NRXN3: variants seen among roughly 807,000 people sequenced by gnomAD.
NRXN3 encodes the protein neurexin III.
In NRXN3, 32 loss-of-function variants were observed where a neutral mutation model predicts 137.6. That is an observed-to-expected ratio of 0.23 (90% CI 0.18 to 0.31). NRXN3 has a LOEUF of 0.31. Among genes scored for constraint, NRXN3 ranks in the 10% least tolerant of loss-of-function variants. The pLI, the probability that NRXN3 is intolerant of heterozygous loss-of-function variation, is 1.00. For synonymous variants in NRXN3, 798 were observed against 784.5 expected (o/e 1.02, Z -0.29); for missense variants, 1,574 against 2,062.5 (o/e 0.76, Z 4.59).
intron 4 of NRXN3, among the ~76,000 whole-genome samples, chr14:78,637,831 A>G (rs1245877495): frequency 6.6e-6 from 1 of 152,224 alleles, no homozygotes; most frequent in Non-Finnish European, 1.5e-5. Context: ...AATGTCAGCT[A>G]ATGATTTATA....
intron 2 of NRXN3, among the ~76,000 whole-genome samples, chr14:78,274,057 T>C (rs2073202780): frequency 6.6e-6 from 1 of 152,142 alleles, no homozygotes; most frequent in African/African-American, 2.4e-5. Context: ...GTCAGGAGAA[T>C]CTTGGACTCA....
At chr14:78,407,121 G>T (rs2092536499) in intron 4 of NRXN3, among the ~76,000 whole-genome samples, 1 of 152,168 alleles carries the variant, frequency 6.6e-6, no homozygotes. Context: ...TTTGCTCAAA[G>T]GGCTTTTGTT....
At chr14:79,346,372 G>C (rs545689687) in intron 15 of NRXN3, among the ~76,000 whole-genome samples, 25 of 152,320 alleles carry the variant, frequency 1.6e-4, no homozygotes, top group Middle Eastern at 3.4e-3. Flanking sequence ...AGTGAGCAGA[G>C]ATCATGCTGT....
intron 2 of NRXN3, among the ~76,000 whole-genome samples, chr14:78,273,804 T>C (rs1409615365): frequency 6.6e-6 from 1 of 152,242 alleles, no homozygotes; most frequent in Non-Finnish European, 1.5e-5. Flanking sequence ...GCCAGCACAC[T>C]TCTTCAGCTA....
chr14:79,150,982 C>T (rs1360960227), intron 15 of NRXN3, among the ~76,000 whole-genome samples: 2 of 151,976 alleles, frequency 1.3e-5, no homozygotes, highest in African/African-American at 4.8e-5. Context: ...TTTCGAGGGT[C>T]TTCTTGTCTC....
intron 10 of NRXN3, among the ~76,000 whole-genome samples, chr14:78,937,847 C>T (rs1254947924): frequency 1.3e-5 from 2 of 152,214 alleles, no homozygotes; most frequent in African/African-American, 4.8e-5. Flanking sequence ...TCTCAAAAAC[C>T]TGACTGCTTA....
At chr14:79,584,942 C>A (rs1325336098) in intron 16 of NRXN3, among the ~76,000 whole-genome samples, 1 of 152,196 alleles carries the variant, frequency 6.6e-6, no homozygotes. Flanking sequence ...TAGCTGAAGT[C>A]ATCATGTAGC....
At chr14:78,296,372 A>G (rs2076339075) in intron 3 of NRXN3, among the ~76,000 whole-genome samples, 1 of 152,144 alleles carries the variant, frequency 6.6e-6, no homozygotes, top group South Asian at 2.1e-4. Flanking sequence ...AGCGTCACCT[A>G]CTGAATTCAT....
At chr14:79,209,009 C>G (rs1209485512) in intron 15 of NRXN3, among the ~76,000 whole-genome samples, 1 of 151,984 alleles carries the variant, frequency 6.6e-6, no homozygotes, top group Non-Finnish European at 1.5e-5. Flanking sequence ...TGTGATCTTG[C>G]CTCACTGCAA....
chr14:79,408,056 C>A (rs943930089), intron 15 of NRXN3, among the ~76,000 whole-genome samples: 2 of 152,038 alleles, frequency 1.3e-5, no homozygotes, highest in African/African-American at 2.4e-5. Context: ...AGAACTCAGG[C>A]CTTTAGATTA....
intron 10 of NRXN3, among the ~76,000 whole-genome samples, chr14:78,936,793 T>A (rs1196964358): frequency 1.3e-5 from 2 of 152,202 alleles, no homozygotes; most frequent in Non-Finnish European, 2.9e-5. Flanking sequence ...GAGAGACCAC[T>A]GAAGTAATTT....
chr14:79,118,545 T>A (rs1481503227), intron 15 of NRXN3, among the ~76,000 whole-genome samples: 4 of 152,204 alleles, frequency 2.6e-5, no homozygotes, highest in Non-Finnish European at 5.9e-5. Flanking sequence ...TGCATCAACC[T>A]CAACCCTGAA....
At chr14:78,804,566 A>G (rs945167749) in intron 9 of NRXN3, among the ~76,000 whole-genome samples, 19 of 152,284 alleles carry the variant, frequency 1.2e-4, no homozygotes, top group South Asian at 2.1e-4. Flanking sequence ...TATATAATAC[A>G]TATCTATTTT....
chr14:78,213,855 G>C (rs2062989361), intron 1 of NRXN3, among the ~76,000 whole-genome samples: 1 of 152,168 alleles, frequency 6.6e-6, no homozygotes, highest in Admixed American at 6.5e-5. Flanking sequence ...TTCCAGACCC[G>C]GGGACAGCTA....
intron 10 of NRXN3, among the ~76,000 whole-genome samples, chr14:78,855,609 A>C (rs1214100041): frequency 1.3e-5 from 2 of 152,202 alleles, no homozygotes; most frequent in Non-Finnish European, 2.9e-5. Flanking sequence ...CACAAAAAAA[A>C]CTAAACCTGT....
At chr14:79,527,293 C>CAAAAAAA (rs397954192) in intron 16 of NRXN3, among the ~76,000 whole-genome samples, 1 of 58,672 alleles carries the variant, frequency 1.7e-5, no homozygotes, top group Admixed American at 2.6e-4. Flanking sequence ...GACTCTGTCT[C>CAAAAAAA]AAAAAAAAAA....
intron 14 of NRXN3, among the ~76,000 whole-genome samples, chr14:78,975,416 A>G (rs2099461484): frequency 6.6e-6 from 1 of 152,192 alleles, no homozygotes; most frequent in Non-Finnish European, 1.5e-5. Flanking sequence ...TGTGGCTGAA[A>G]TAATGTGTGT....
intron 10 of NRXN3, among the ~76,000 whole-genome samples, chr14:78,837,808 A>G (rs1239747152): frequency 6.6e-6 from 1 of 152,178 alleles, no homozygotes; most frequent in East Asian, 1.9e-4. Context: ...GTTATGCCAC[A>G]TTACAGTGTT....
intron 15 of NRXN3, among the ~76,000 whole-genome samples, chr14:79,379,273 T>G (rs890167359): frequency 6.6e-6 from 1 of 152,288 alleles, no homozygotes; most frequent in African/African-American, 2.4e-5. Flanking sequence ...CATAAGGTGG[T>G]CATTGTGTGT....
Sources: gnomAD v4.1 joint callset for allele counts (sites outside exome capture counted in the v4.1 genomes callset) on GRCh38, gnomAD v4.1.1 for gene constraint, MANE v1.5 for transcripts, NCBI Gene and HGNC (gene_info 2026-07-23, HGNC 2026-07-21) for gene names.